AK9: variants seen among roughly 807,000 people sequenced by gnomAD.
AK9 encodes adenylate kinase 9.
A neutral mutation model predicts 239.6 loss-of-function variants in AK9; 191 were observed. The observed-to-expected ratio is 0.80, with a 90% CI of 0.71 to 0.90. The LOEUF (loss-of-function observed/expected upper bound fraction) is 0.90, where lower values mean the gene tolerates loss of function less well. Among genes scored for constraint, AK9 ranks in the 40% least tolerant of loss-of-function variants. AK9 has a pLI of 0.00. For missense variants in AK9, 1,995 were observed against 2,214.7 expected (o/e 0.90, Z 1.99); for synonymous variants, 689 against 721.0 (o/e 0.96, Z 0.71).
intron 12 of AK9, among the ~76,000 whole-genome samples, chr6:109,625,307 A>C (rs1795387122): frequency 6.6e-6 from 1 of 152,174 alleles, no homozygotes; most frequent in Non-Finnish European, 1.5e-5. Context: ...TTCTTCTTGT[A>C]GTTGTTTAAA....
chr6:109,593,136 T>A (rs1041266699), intron 17 of AK9, among the ~76,000 whole-genome samples: 3 of 152,066 alleles, frequency 2.0e-5, no homozygotes, highest in South Asian at 2.1e-4. Context: ...TTCTTCTGCT[T>A]GTGCTGGGCT....
At chr6:109,617,708 G>A (rs538900185) in intron 13 of AK9, among the ~76,000 whole-genome samples, 24 of 152,126 alleles carry the variant, frequency 1.6e-4, no homozygotes, top group Admixed American at 3.9e-4. Flanking sequence ...GTAATTTTGC[G>A]TATACCATAG....
At chr6:109,584,686 T>G (rs1789267306) in intron 19 of AK9, among the ~76,000 whole-genome samples, 2 of 152,112 alleles carry the variant, frequency 1.3e-5, no homozygotes, top group South Asian at 4.1e-4. Context: ...CATAAATAAT[T>G]AGCCTGGTCT....
At chr6:109,619,998 T>C (rs1794626745) in intron 12 of AK9, among the ~76,000 whole-genome samples, 1 of 152,182 alleles carries the variant, frequency 6.6e-6, no homozygotes, top group South Asian at 2.1e-4. Context: ...GGGTATCCTT[T>C]TTATTGTTGA....
chr6:109,529,392 G>A (rs747306281), intron 28 of AK9, among the ~76,000 whole-genome samples: 2 of 152,094 alleles, frequency 1.3e-5, no homozygotes, highest in African/African-American at 2.4e-5. Flanking sequence ...AGGGAAATAC[G>A]TGGAGGCAAT....
At chr6:109,596,468 G>A (rs1248375618) in intron 17 of AK9, among the ~76,000 whole-genome samples, 3 of 152,180 alleles carry the variant, frequency 2.0e-5, no homozygotes, top group Non-Finnish European at 2.9e-5. Flanking sequence ...CTCCTCATTT[G>A]GAGGACCTAG....
Position 109,633,318 on chromosome 6 carries a change from C to G in AK9, c.939G>C (p.Glu313Asp). The change falls in exon 11 of 41, where the codon GAG becomes GAC. Residue 313 changes from glutamate (E) to aspartate (D), a missense_variant. By Grantham distance (45) the Glu-to-Asp change is conservative. This residue lies in a region of AK9 where 1,290 missense variants were observed against 1,392.7 expected (regional missense o/e 0.93). Transcript: ENST00000424296. ...EEINDTMEND[E>D]LFRTLASYKL... is the part of the protein sequence containing the mutation. ...TATAAGATGCAAGAGTACGAAATAGCTCATCCTGTGAATTGCAAATACTAC... is the reference window on the plus strand; with the variant it reads ...TATAAGATGCAAGAGTACGAAATAGGTCATCCTGTGAATTGCAAATACTAC... 7 of 1,592,748 alleles carry G rather than the reference C, an allele frequency of 4.4e-6. No individual in the cohort carries two copies. The highest frequency in any genetic ancestry group is 6.0e-6 in the Non-Finnish European group (7 of 1,176,382).
chr6:109,599,738 C>A (rs1377037814), intron 17 of AK9, among the ~76,000 whole-genome samples: 1 of 151,666 alleles, frequency 6.6e-6, no homozygotes, highest in African/African-American at 2.4e-5. Context: ...GTTTGTATCC[C>A]CTTTTATTTC....
chr6:109,651,970 G>C (rs1318639139), intron 8 of AK9, among the ~76,000 whole-genome samples: 1 of 152,160 alleles, frequency 6.6e-6, no homozygotes, highest in Non-Finnish European at 1.5e-5. Context: ...AACTCTACCA[G>C]AGGTACAAAG....
chr6:109,666,450 A>G (rs1458999673), intron 5 of AK9, among the ~76,000 whole-genome samples: 1 of 152,204 alleles, frequency 6.6e-6, no homozygotes, highest in Non-Finnish European at 1.5e-5. Context: ...CTTCCATGCT[A>G]ACGATGGAGG....
intron 24 of AK9, among the ~76,000 whole-genome samples, chr6:109,559,979 G>A (rs1785540182): frequency 6.6e-6 from 1 of 152,090 alleles, no homozygotes; most frequent in East Asian, 1.9e-4. Context: ...TTCAAAGCCG[G>A]CTTAAAAGCA....
intron 30 of AK9, 102 bp downstream of exon 30, chr6:109,516,328 T>C: frequency 5.6e-6 from 6 of 1,065,426 alleles, no homozygotes; most frequent in Non-Finnish European, 6.7e-6. Flanking sequence ...CCCTAAAATA[T>C]ACATTTTTTA....
At chr6:109,524,569 A>G (rs1181665508) in intron 29 of AK9, among the ~76,000 whole-genome samples, 1 of 152,234 alleles carries the variant, frequency 6.6e-6, no homozygotes, top group African/African-American at 2.4e-5. Context: ...CAATAGGTGA[A>G]CAATAATTCA....
At chr6:109,536,345 A>G (rs2128139737) in intron 27 of AK9, among the ~76,000 whole-genome samples, 1 of 152,210 alleles carries the variant, frequency 6.6e-6, no homozygotes, top group South Asian at 2.1e-4. Flanking sequence ...TTGGATTCCT[A>G]GGTATTTTAT....
chr6:109,596,837 C>A (rs748211692), intron 17 of AK9, among the ~76,000 whole-genome samples: 22 of 152,108 alleles, frequency 1.4e-4, no homozygotes, highest in Non-Finnish European at 2.8e-4. Context: ...ATAGTGATTT[C>A]TTTTCCTTTG....
chr6:109,580,178 A>G (rs1356467941), intron 19 of AK9, among the ~76,000 whole-genome samples: 2 of 151,802 alleles, frequency 1.3e-5, no homozygotes, highest in Non-Finnish European at 2.9e-5. Context: ...TTATCTTTCT[A>G]ATAAGAAAAA....
At chr6:109,645,509 G>A (rs375879873) in intron 8 of AK9, among the ~76,000 whole-genome samples, 1 of 152,186 alleles carries the variant, frequency 6.6e-6, no homozygotes, top group African/African-American at 2.4e-5. Flanking sequence ...CTGGGCGAGG[G>A]GCATCCGCCA....
At chr6:109,628,369 G>A (rs1488321628) in intron 12 of AK9, among the ~76,000 whole-genome samples, 1 of 152,152 alleles carries the variant, frequency 6.6e-6, no homozygotes, top group Non-Finnish European at 1.5e-5. Context: ...GCTTCACAGT[G>A]CAGGCTGCTT....
At chr6:109,597,122 T>G (rs1008559970) in intron 17 of AK9, among the ~76,000 whole-genome samples, 6 of 152,160 alleles carry the variant, frequency 3.9e-5, no homozygotes, top group Non-Finnish European at 8.8e-5. Flanking sequence ...TATTATATAT[T>G]TCTTCAGATT....
Sources: allele counts gnomAD v4.1 joint callset (sites outside exome capture counted in the v4.1 genomes callset), GRCh38; gene constraint gnomAD v4.1.1; regional missense constraint gnomAD v4.1.1; transcripts MANE v1.5; gene names NCBI Gene and HGNC (gene_info 2026-07-23, HGNC 2026-07-21).